The following STARD9 variants were observed in gnomAD, a reference collection of about 807,000 sequenced individuals.
STARD9 encodes StAR related lipid transfer domain containing 9.
A neutral mutation model predicts 399.8 loss-of-function variants in STARD9; 346 were observed. That is an observed-to-expected ratio of 0.87 (90% CI 0.79 to 0.95). The LOEUF (loss-of-function observed/expected upper bound fraction) is 0.95. Among genes scored for constraint, STARD9 ranks in the 40% least tolerant of loss-of-function variants. STARD9 has a pLI of 0.00. For missense variants in STARD9, 5,832 were observed against 5,667.5 expected (o/e 1.03, Z -0.93); for synonymous variants, 2,203 against 2,143.5 (o/e 1.03, Z -0.77).
At chr15:42,586,728 G>A (rs575425858) in intron 3 of STARD9, among the ~76,000 whole-genome samples, 1 of 152,210 alleles carries the variant, frequency 6.6e-6, no homozygotes, top group South Asian at 2.1e-4. Flanking sequence ...AATACTACTG[G>A]AAATAGAAAT....
intron 3 of STARD9, among the ~76,000 whole-genome samples, chr15:42,589,838 C>T (rs140771911): frequency 0.028 from 4,247 of 151,978 alleles, 183 homozygotes; most frequent in African/African-American, 0.098. Flanking sequence ...AACTCCTGAC[C>T]TTGTGATCCA....
chr15:42,616,514 G>T (rs191609994), intron 3 of STARD9, among the ~76,000 whole-genome samples: 1 of 152,140 alleles, frequency 6.6e-6, no homozygotes, highest in Non-Finnish European at 1.5e-5. Context: ...TTTTGTTAGC[G>T]GCAGAATATC....
At chr15:42,650,330 A>G (rs1024039659) in intron 7 of STARD9, among the ~76,000 whole-genome samples, 1 of 152,202 alleles carries the variant, frequency 6.6e-6, no homozygotes, top group Non-Finnish European at 1.5e-5. Flanking sequence ...TGAATCTCTC[A>G]TACAGAGATT....
chr15:42,670,930 G>A (rs747630098), intron 16 of STARD9: 2 of 152,138 alleles, frequency 1.3e-5, no homozygotes, highest in Non-Finnish European at 2.9e-5. Context: ...AGGTCAGGAA[G>A]AGACCAGATT....
intron 16 of STARD9, chr15:42,673,817 T>C: frequency 2.4e-6 from 1 of 420,092 alleles, no homozygotes; most frequent in South Asian, 1.7e-5. Flanking sequence ...ACTAATCCAC[T>C]GATTCATTTG....
At chr15:42,652,223 G>A (rs991330354) in intron 8 of STARD9, among the ~76,000 whole-genome samples, 3 of 151,888 alleles carry the variant, frequency 2.0e-5, no homozygotes, top group Non-Finnish European at 2.9e-5. Context: ...GGATGATGAC[G>A]CTCTAGTCTT....
rs2060515925 is a variant in STARD9 at position 42,684,979 on chromosome 15, C to G, written c.3401C>G (p.Pro1134Arg). The G allele has an allele frequency of 1.3e-6, 2 of 1,536,996 alleles. No homozygotes were observed. The highest frequency in any genetic ancestry group is 1.4e-5 in the African/African-American group (1 of 73,154). Residue 1134 changes from proline to arginine, a missense_variant, in exon 23 of 33, where the codon CCA becomes CGA. Pro to Arg is a moderately radical substitution (Grantham distance 103, BLOSUM62 -2). This residue lies in a region of STARD9 where 5,828 missense variants were observed against 5,651.1 expected (regional missense o/e 1.03). Coordinates refer to ENST00000290607, the MANE Select transcript of STARD9 (RefSeq NM_020759.3). ...LKPEERKWDF[P>R]EPENSESDDS... is the part of the protein sequence containing the mutation. The stretch of plus-strand genomic sequence containing the variant: ...CCAGAGGAGAGGAAATGGGATTTCC[C>G]AGAGCCAGAGAACTCTGAAAGTGAT...
intron 9 of STARD9, among the ~76,000 whole-genome samples, chr15:42,658,890 A>T (rs2059933754): frequency 6.6e-6 from 1 of 152,126 alleles, no homozygotes; most frequent in African/African-American, 2.4e-5. Context: ...AGGTGGGTGG[A>T]TCACTTGAGA....
chr15:42,614,781 G>A (rs1372069699), intron 3 of STARD9, among the ~76,000 whole-genome samples: 3 of 151,742 alleles, frequency 2.0e-5, no homozygotes, highest in African/African-American at 4.8e-5. Context: ...CCTGGCCAGC[G>A]TGGTGAAACC....
At chr15:42,611,313 A>C (rs914149021) in intron 3 of STARD9, among the ~76,000 whole-genome samples, 1 of 152,252 alleles carries the variant, frequency 6.6e-6, no homozygotes. Context: ...AATACTTGCT[A>C]TCTGGCTCTT....
At position 42,575,656 on chromosome 15, in the gene STARD9, G is replaced by T; in HGVS notation, c.-60G>T. On this transcript the variant is annotated 5_prime_UTR_variant, in exon 1 of 33. Coordinates refer to ENST00000290607, the MANE Select transcript of STARD9 (RefSeq NM_020759.3). ...GGGTTGGGGCTGTGTCTGGGCTTAG[G>T]GCGGGGGCCTGGGATGCTGCCGCTG... is the stretch of plus-strand genomic sequence containing the variant. 1 of 1,523,666 alleles carries T rather than the reference G, an allele frequency of 6.6e-7. No homozygotes were observed. The highest frequency in any genetic ancestry group is 1.2e-5 in the South Asian group (1 of 83,714). The allele number at this position is 1,523,666 out of a possible 1,614,324, so 94.4% of individuals were successfully genotyped here. A position where few individuals can be genotyped will look rare whatever the true frequency, so the allele number is the denominator to read the frequency against.
At chr15:42,589,747 C>G (rs2058357854) in intron 3 of STARD9, among the ~76,000 whole-genome samples, 1 of 151,894 alleles carries the variant, frequency 6.6e-6, no homozygotes. Flanking sequence ...GCTGGGATTA[C>G]AGGCGCCTGC....
chr15:42,708,345 A>G (rs1446913669), intron 26 of STARD9, among the ~76,000 whole-genome samples: 4 of 152,204 alleles, frequency 2.6e-5, no homozygotes, highest in Non-Finnish European at 5.9e-5. Context: ...GTTTTTGTAA[A>G]TAAAGTTTTA....
At chr15:42,651,770 CACTT>C (rs1382426028) in intron 8 of STARD9, among the ~76,000 whole-genome samples, 1 of 152,114 alleles carries the variant, frequency 6.6e-6, no homozygotes, top group Non-Finnish European at 1.5e-5. Flanking sequence ...CTCCTGGAGA[CACTT>C]ACTTCTGGTC....
At chr15:42,593,642 A>T in intron 3 of STARD9, among the ~76,000 whole-genome samples, 1 of 137,850 alleles carries the variant, frequency 7.3e-6, no homozygotes, top group Admixed American at 7.4e-5. Flanking sequence ...TAGTAGTAAT[A>T]TGGTTGTGCT....
chr15:42,712,933 G>A (rs754030603), intron 26 of STARD9, among the ~76,000 whole-genome samples: 2 of 152,172 alleles, frequency 1.3e-5, no homozygotes, highest in Non-Finnish European at 1.5e-5. Context: ...ACTATTCTGG[G>A]TTTCTCAGAT....
At position 42,717,834 on chromosome 15, in the gene STARD9, G is replaced by A. The variant is rs1004044966; in HGVS notation, c.13559+39G>A. 4 of 1,530,696 alleles carry A rather than the reference G, an allele frequency of 2.6e-6. No individual in the cohort carries two copies. The African/African-American group carries it at 5.5e-5, about 21-fold the overall frequency. 94.8% of individuals were successfully genotyped at this position (1,530,696 alleles called of 1,614,324 possible). A position where few individuals can be genotyped will look rare whatever the true frequency, so the allele number is the denominator to read the frequency against. ...GGGTCCTTTGTACAGTGTCTGTCTT[G>A]GTAAGCTTGTCACCCTGCTTGGCTT... is the stretch of plus-strand genomic sequence containing the variant. On this transcript the variant is annotated intron_variant, in intron 29 of 32. Transcript: ENST00000290607.
intron 3 of STARD9, among the ~76,000 whole-genome samples, chr15:42,596,050 T>C (rs1172117200): frequency 6.6e-6 from 1 of 152,158 alleles, no homozygotes; most frequent in African/African-American, 2.4e-5. Flanking sequence ...TATGCAAAAA[T>C]GAACAGTGGA....
At position 42,689,889 on chromosome 15, in the gene STARD9, G is replaced by T; in HGVS notation, c.8311G>T (p.Gly2771Cys). 6.5e-7 allele frequency: 1 copy of T among 1,537,576 alleles called. No homozygotes were observed. Among genetic ancestry groups the T allele is most frequent in the Non-Finnish European group, 8.7e-7 (1 of 1,146,998 alleles). ...SQSVPQETAEGIPPGSQDSSP... is the reference protein window; with the variant it reads ...SQSVPQETAECIPPGSQDSSP... ...GTCAGTTCCGCAGGAGACTGCAGAG[G>T]GCATACCCCCTGGCAGTCAGGACAG... Residue 2771 changes from glycine to cysteine, a missense_variant, in exon 23 of 33, where the codon GGC becomes TGC. By Grantham distance (159) the Gly-to-Cys change is radical. Transcript: ENST00000290607.
Sources: allele counts gnomAD v4.1 joint callset (sites outside exome capture counted in the v4.1 genomes callset), GRCh38; gene constraint gnomAD v4.1.1; regional missense constraint gnomAD v4.1.1; transcripts MANE v1.5; gene names NCBI Gene and HGNC (gene_info 2026-07-23, HGNC 2026-07-21).